GRIA3: variants seen among roughly 807,000 people sequenced by gnomAD.
GRIA3 encodes the protein glutamate ionotropic receptor AMPA type subunit 3.
A neutral mutation model predicts 63.0 loss-of-function variants in GRIA3; 3 were observed. That is an observed-to-expected ratio of 0.05 (90% CI 0.02 to 0.12). GRIA3 has a LOEUF of 0.12. Ranked by LOEUF, GRIA3 falls within the 10% of genes least tolerant of loss-of-function variation. GRIA3 has a pLI of 1.00. For synonymous variants in GRIA3, 274 were observed against 257.9 expected (o/e 1.06, Z -0.60); for missense variants, 347 against 700.9 (o/e 0.50, Z 5.70).
chrX:123,290,161 C>T (rs2044646939), intron 3 of GRIA3, among the ~76,000 whole-genome samples: 1 of 110,961 alleles, frequency 9.0e-6, no homozygotes, highest in South Asian at 3.9e-4. Context: ...GGAACTCTCC[C>T]TCCTATAGCA....
At position 123,403,079 on chromosome X, in the gene GRIA3, A is replaced by C. The variant is rs146022384; in HGVS notation, c.1166A>C (p.Lys389Thr). 640 of 1,122,978 alleles carry C rather than the reference A, an allele frequency of 5.7e-4. 2 individuals are homozygous for C. Among genetic ancestry groups the C allele is most frequent in the Non-Finnish European group, 5.2e-4 (426 of 816,017 alleles). 92.5% of individuals were successfully genotyped at this position (1,122,978 alleles called of 1,213,427 possible). A position where few individuals can be genotyped will look rare whatever the true frequency, so the allele number is the denominator to read the frequency against. ...TNYTIDVYEM[K>T]VSGSRKAGYW... Reference sequence around the variant, plus strand: ...TATACCATCGATGTGTATGAAATGAAAGTCAGTGGCTCTCGAAAAGTAAGT... The same window carrying C: ...TATACCATCGATGTGTATGAAATGACAGTCAGTGGCTCTCGAAAAGTAAGT... The change falls in exon 8 of 16, where the codon AAA becomes ACA. Residue 389 changes from lysine to threonine, a missense_variant. Lys to Thr is a moderately conservative substitution (Grantham distance 78). Transcript: ENST00000620443.
In GRIA3 at chrX:123,186,065, T is replaced by C. The variant is rs2269551; in HGVS notation, c.268+75T>C. Reference sequence around the variant, plus strand: ...CATCTTTCTTGTGGCACTTAGGGTCTGTGTATGTGCTGGGAGATGATTGCT... The same window carrying C: ...CATCTTTCTTGTGGCACTTAGGGTCCGTGTATGTGCTGGGAGATGATTGCT... On this transcript the variant is annotated intron_variant, in intron 2 of 15. Coordinates refer to ENST00000620443, the MANE Select transcript of GRIA3 (RefSeq NM_007325.5). 331,428 of 844,117 alleles carry C rather than the reference T, an allele frequency of 0.39. 45,981 individuals are homozygous for C. Among genetic ancestry groups the C allele is most frequent in the East Asian group, 0.69 (22,077 of 31,940 alleles). 69.6% of individuals were successfully genotyped at this position (844,117 alleles called of 1,213,427 possible).
chrX:123,453,437 T>C (rs1485134359), intron 12 of GRIA3, among the ~76,000 whole-genome samples: 1 of 110,941 alleles, frequency 9.0e-6, no homozygotes, highest in Non-Finnish European at 1.9e-5. Flanking sequence ...ATATACCTAA[T>C]GTAAATGATG....
intron 4 of GRIA3, among the ~76,000 whole-genome samples, chrX:123,339,898 G>A (rs758767389): frequency 8.0e-4 from 90 of 112,230 alleles, no homozygotes; most frequent in Admixed American, 2.9e-3. Context: ...GACATTTTCC[G>A]TCTGCCAGTA....
intron 3 of GRIA3, among the ~76,000 whole-genome samples, chrX:123,284,411 A>G (rs1184446452): frequency 9.0e-6 from 1 of 111,657 alleles, no homozygotes; most frequent in Non-Finnish European, 1.9e-5. Context: ...TGAGGAATTG[A>G]CAGAAGTAGG....
intron 12 of GRIA3, among the ~76,000 whole-genome samples, chrX:123,461,445 T>G (rs1401095865): frequency 9.0e-6 from 1 of 111,593 alleles, no homozygotes; most frequent in Non-Finnish European, 1.9e-5. Context: ...ACATCTGCTC[T>G]GGATCTTGTA....
intron 4 of GRIA3, among the ~76,000 whole-genome samples, chrX:123,327,591 G>A: frequency 9.0e-6 from 1 of 110,625 alleles, no homozygotes; most frequent in African/African-American, 3.3e-5. Context: ...AAAAATAGGT[G>A]ACAAAAGGAA....
At chrX:123,216,485 C>A (rs1928162210) in intron 2 of GRIA3, among the ~76,000 whole-genome samples, 1 of 111,343 alleles carries the variant, frequency 9.0e-6, no homozygotes, top group Non-Finnish European at 1.9e-5. Flanking sequence ...GCTACAGTGT[C>A]CCTTTCAACT....
intron 2 of GRIA3, among the ~76,000 whole-genome samples, chrX:123,242,059 A>G (rs2044332854): frequency 9.0e-6 from 1 of 111,201 alleles, no homozygotes; most frequent in African/African-American, 3.3e-5. Flanking sequence ...GGAGGAGGTG[A>G]CTGAGGCCAT....
At chrX:123,284,487 A>T (rs1354329261) in intron 3 of GRIA3, among the ~76,000 whole-genome samples, 1 of 111,428 alleles carries the variant, frequency 9.0e-6, no homozygotes, top group African/African-American at 3.3e-5. Flanking sequence ...CAATGCAAGG[A>T]AGCTAAGAAC....
chrX:123,189,691 C>T (rs925451983), intron 2 of GRIA3, among the ~76,000 whole-genome samples: 3 of 112,640 alleles, frequency 2.7e-5, no homozygotes, highest in South Asian at 3.7e-4. Flanking sequence ...TTATTCACCA[C>T]GGAATTGTAC....
intron 3 of GRIA3, among the ~76,000 whole-genome samples, chrX:123,288,569 GA>G (rs1268631070): frequency 4.6e-5 from 5 of 108,969 alleles, no homozygotes; most frequent in African/African-American, 6.7e-5. Context: ...AAACTTACAG[GA>G]AAAAAAACAA....
chrX:123,209,425 G>A (rs976767932), intron 2 of GRIA3, among the ~76,000 whole-genome samples: 3 of 111,621 alleles, frequency 2.7e-5, no homozygotes, highest in Admixed American at 1.9e-4. Context: ...TGCAACACTC[G>A]TGAATATGAA....
At chrX:123,334,143 T>C (rs982197117) in intron 4 of GRIA3, among the ~76,000 whole-genome samples, 3 of 111,917 alleles carry the variant, frequency 2.7e-5, no homozygotes, top group Non-Finnish European at 3.8e-5. Context: ...AAGATGTTCA[T>C]TGGAAACATG....
intron 3 of GRIA3, among the ~76,000 whole-genome samples, chrX:123,292,982 T>A (rs901192157): frequency 1.8e-5 from 2 of 111,002 alleles, no homozygotes. Flanking sequence ...TTTATCTGGT[T>A]GGCCTATTGT....
chrX:123,408,306 G>T (rs937284989), intron 10 of GRIA3, among the ~76,000 whole-genome samples: 1 of 111,283 alleles, frequency 9.0e-6, no homozygotes, highest in Non-Finnish European at 1.9e-5. Context: ...TCCGATGTGA[G>T]CTATACCATG....
At chrX:123,186,391 T>TTGA (rs1927278795) in intron 2 of GRIA3, among the ~76,000 whole-genome samples, 1 of 111,914 alleles carries the variant, frequency 8.9e-6, no homozygotes, top group Non-Finnish European at 1.9e-5. Context: ...CAGCAGCTTC[T>TTGA]TGATTGAGTC....
intron 5 of GRIA3, among the ~76,000 whole-genome samples, chrX:123,383,141 A>G (rs1353236745): frequency 1.8e-5 from 2 of 112,350 alleles, no homozygotes; most frequent in African/African-American, 6.5e-5. Context: ...AAAGCTATTC[A>G]TTAAAGATTT....
intron 5 of GRIA3, among the ~76,000 whole-genome samples, chrX:123,390,821 T>C (rs944347174): frequency 2.6e-4 from 29 of 111,798 alleles, no homozygotes; most frequent in African/African-American, 9.1e-4. Flanking sequence ...ACTTTGTTTA[T>C]TCTTTTTTAG....
Sources: allele counts gnomAD v4.1 joint callset (sites outside exome capture counted in the v4.1 genomes callset), GRCh38; gene constraint gnomAD v4.1.1; transcripts MANE v1.5; gene names NCBI Gene and HGNC (gene_info 2026-07-23, HGNC 2026-07-21).